The following CENPP variants were observed in gnomAD, a reference collection of about 807,000 sequenced individuals.
CENPP encodes the protein centromere protein P.
Under a neutral mutation model 35.6 loss-of-function variants are expected in CENPP, and 24 were observed. That is an observed-to-expected ratio of 0.67 (90% CI 0.49 to 0.95). CENPP has a LOEUF of 0.95. Ranked by LOEUF, CENPP falls within the 40% of genes least tolerant of loss-of-function variation. The probability of loss-of-function intolerance (pLI) is 0.00; values close to 1 mark genes in which losing one functional copy is unlikely to be tolerated. For synonymous variants in CENPP, 120 were observed against 125.5 expected, an observed-to-expected ratio of 0.96 and a Z score of 0.29; for missense variants, 332 against 345.3, an observed-to-expected ratio of 0.96 and a Z score of 0.31.
At chr9:92,473,174 A>T (rs1428469400) in intron 5 of CENPP, among the ~76,000 whole-genome samples, 3 of 152,186 alleles carry the variant, frequency 2.0e-5, no homozygotes, top group Admixed American at 6.5e-5. Flanking sequence ...TGGGCTTCTC[A>T]AGTCTTTGGT....
At chr9:92,372,117 T>A (rs986623847) in intron 4 of CENPP, among the ~76,000 whole-genome samples, 3 of 141,044 alleles carry the variant, frequency 2.1e-5, no homozygotes, top group Non-Finnish European at 3.1e-5. Context: ...TTTTTTTTTT[T>A]TTTTTTTTTT....
intron 5 of CENPP, among the ~76,000 whole-genome samples, chr9:92,500,416 C>G (rs1846600365): frequency 6.6e-6 from 1 of 152,234 alleles, no homozygotes; most frequent in Non-Finnish European, 1.5e-5. Context: ...CTCTTGAACT[C>G]AGGTGATCCG....
intron 5 of CENPP, among the ~76,000 whole-genome samples, chr9:92,478,514 C>T (rs925813260): frequency 7.9e-5 from 12 of 152,172 alleles, no homozygotes; most frequent in Non-Finnish European, 1.6e-4. Flanking sequence ...AGTACAGTTG[C>T]GCCATCTTGG....
At chr9:92,495,231 A>T in intron 5 of CENPP, 1 of 620,806 alleles carries the variant, frequency 1.6e-6, no homozygotes. Flanking sequence ...TAGCCAAGAC[A>T]TAAAACTGAG....
At chr9:92,355,695 T>G (rs1841571181) in intron 4 of CENPP, among the ~76,000 whole-genome samples, 1 of 152,220 alleles carries the variant, frequency 6.6e-6, no homozygotes, top group East Asian at 1.9e-4. Context: ...AAGTCTAAAA[T>G]AGCCCATTAT....
chr9:92,512,295 G>C (rs757106445), intron 5 of CENPP, among the ~76,000 whole-genome samples: 2 of 152,164 alleles, frequency 1.3e-5, no homozygotes, highest in African/African-American at 4.8e-5. Context: ...GTTCAGAAAA[G>C]TAACAAGCTG....
chr9:92,546,697 G>T (rs185527067), intron 5 of CENPP, among the ~76,000 whole-genome samples: 411 of 152,260 alleles, frequency 2.7e-3, no homozygotes, highest in Non-Finnish European at 4.6e-3. Context: ...CTTCATTCTT[G>T]AAGTCAGTGA....
intron 5 of CENPP, among the ~76,000 whole-genome samples, chr9:92,543,540 G>A (rs1294521247): frequency 4.3e-5 from 6 of 138,586 alleles, no homozygotes; most frequent in South Asian, 2.3e-4. Flanking sequence ...GATTCCTTAC[G>A]AATTTTATGA....
At chr9:92,414,941 C>A (rs1289750670) in intron 5 of CENPP, 2 of 357,710 alleles carry the variant, frequency 5.6e-6, no homozygotes, top group Non-Finnish European at 5.0e-6. Context: ...ACTTGTCATT[C>A]TAATTTATAT....
chr9:92,456,244 T>A (rs1844872496), intron 5 of CENPP: 1 of 152,236 alleles, frequency 6.6e-6, no homozygotes, highest in African/African-American at 2.4e-5. Flanking sequence ...AATTTCCCTG[T>A]TTTCTGATTT....
At chr9:92,411,558 G>C (rs1452667314) in intron 5 of CENPP, among the ~76,000 whole-genome samples, 1 of 152,158 alleles carries the variant, frequency 6.6e-6, no homozygotes, top group Non-Finnish European at 1.5e-5. Context: ...GCCTCCCAAA[G>C]TGCTGGTATT....
intron 5 of CENPP, among the ~76,000 whole-genome samples, chr9:92,567,751 A>G (rs1850030866): frequency 6.6e-6 from 1 of 152,136 alleles, no homozygotes; most frequent in Non-Finnish European, 1.5e-5. Context: ...TAGGTGTGTT[A>G]TTGAAGTTAA....
rs1394503082 is a variant in CENPP at position 92,532,025 on chromosome 9, TTTTATTTTA to T, written c.565-79285_565-79277del. ...CTTTTTTTATTTAATGTTTTTTTTT[TTTTATTTTA>T]TTTTTTTTTTGAGATGAGGTCTCAC... On this transcript the variant is annotated intron_variant, in intron 5 of 7. Coordinates refer to ENST00000375587, the MANE Select transcript of CENPP (RefSeq NM_001012267.3). 1.7e-4 allele frequency among the ~76,000 whole-genome samples: 22 copies of T among 125,810 alleles called. 4 individuals are homozygous for T. The highest frequency in any genetic ancestry group is 5.3e-4 in the African/African-American group (15 of 28,082). 82.5% of individuals were successfully genotyped at this position (125,810 alleles called of 152,430 possible).
intron 5 of CENPP, among the ~76,000 whole-genome samples, chr9:92,418,785 G>A (rs1843696242): frequency 1.3e-5 from 2 of 152,010 alleles, no homozygotes; most frequent in South Asian, 2.1e-4. Flanking sequence ...AATATTTTCT[G>A]TCCAAAACTA....
At chr9:92,379,282 A>G (rs1842192405) in intron 4 of CENPP, among the ~76,000 whole-genome samples, 1 of 152,182 alleles carries the variant, frequency 6.6e-6, no homozygotes, top group African/African-American at 2.4e-5. Context: ...GTTAGCCCTC[A>G]AATGATGTGT....
intron 5 of CENPP, among the ~76,000 whole-genome samples, chr9:92,383,039 GCACCCGCCACCA>G (rs1258337317): frequency 6.6e-6 from 1 of 151,642 alleles, no homozygotes; most frequent in African/African-American, 2.4e-5. Context: ...GGGATTACAG[GCACCCGCCACCA>G]CACCCGGCTA....
intron 5 of CENPP, among the ~76,000 whole-genome samples, chr9:92,558,041 T>G (rs1849765338): frequency 6.6e-6 from 1 of 152,176 alleles, no homozygotes; most frequent in Admixed American, 6.5e-5. Flanking sequence ...TCCCTTCACT[T>G]CTTGTATCAT....
chr9:92,524,447 A>G (rs886810853), intron 5 of CENPP, among the ~76,000 whole-genome samples: 1 of 152,188 alleles, frequency 6.6e-6, no homozygotes, highest in Non-Finnish European at 1.5e-5. Flanking sequence ...AACCTCCATC[A>G]AGGTGTTGCA....
chr9:92,498,212 C>T (rs1021145794), intron 5 of CENPP, among the ~76,000 whole-genome samples: 1 of 151,982 alleles, frequency 6.6e-6, no homozygotes, highest in African/African-American at 2.4e-5. Context: ...TGTATGTAGG[C>T]TTTTGTTTGC....
Sources: allele counts gnomAD v4.1 joint callset (sites outside exome capture counted in the v4.1 genomes callset), GRCh38; gene constraint gnomAD v4.1.1; transcripts MANE v1.5; gene names NCBI Gene and HGNC (gene_info 2026-07-23, HGNC 2026-07-21).